The following CNTNAP4 variants were observed in gnomAD, a reference collection of about 807,000 sequenced individuals.
The protein encoded by CNTNAP4 is contactin-associated protein-like 4.
CNTNAP4 carries 98 observed loss-of-function variants against 148.4 expected under a neutral mutation model. The observed-to-expected ratio is 0.66, with a 90% CI of 0.56 to 0.78. CNTNAP4 has a LOEUF of 0.78. CNTNAP4 is among the 30% of genes least tolerant of loss of function. The probability of loss-of-function intolerance (pLI) is 0.00; values close to 1 mark genes in which losing one functional copy is unlikely to be tolerated. For missense variants in CNTNAP4, 1,935 were observed against 1,565.6 expected (o/e 1.24, Z -3.98); for synonymous variants, 730 against 565.1 (o/e 1.29, Z -4.14).
intron 1 of CNTNAP4, among the ~76,000 whole-genome samples, chr16:76,302,537 C>G (rs1027278420): frequency 6.6e-6 from 1 of 152,114 alleles, no homozygotes; most frequent in African/African-American, 2.4e-5. Context: ...CTTCTTATCT[C>G]TTTCACTTTT....
At chr16:76,543,814 TG>T (rs1338839983) in intron 21 of CNTNAP4, among the ~76,000 whole-genome samples, 1 of 152,188 alleles carries the variant, frequency 6.6e-6, no homozygotes, top group African/African-American at 2.4e-5. Flanking sequence ...AGCCCAGCAG[TG>T]GGGACCCTTG....
At chr16:76,348,831 T>C (rs1254965330) in intron 2 of CNTNAP4, among the ~76,000 whole-genome samples, 1 of 143,792 alleles carries the variant, frequency 7.0e-6, no homozygotes, top group Non-Finnish European at 1.5e-5. Context: ...CTATATTATT[T>C]GAAGACTGTT....
chr16:76,459,368 C>T (rs2080854874), intron 8 of CNTNAP4, among the ~76,000 whole-genome samples: 1 of 152,214 alleles, frequency 6.6e-6, no homozygotes, highest in African/African-American at 2.4e-5. Flanking sequence ...ATGTATCTAA[C>T]CTACATTCTT....
chr16:76,540,036 T>A (rs2084382642), intron 20 of CNTNAP4, among the ~76,000 whole-genome samples, 184 bp downstream of exon 20: 1 of 152,174 alleles, frequency 6.6e-6, no homozygotes, highest in Admixed American at 6.6e-5. Flanking sequence ...ATTATATTAT[T>A]AACATCGGAT....
At chr16:76,492,572 C>G (rs4888518) in intron 13 of CNTNAP4, among the ~76,000 whole-genome samples, 1 of 151,990 alleles carries the variant, frequency 6.6e-6, no homozygotes, top group African/African-American at 2.4e-5. Flanking sequence ...CCAAATCTCA[C>G]CTTGAATTGT....
intron 1 of CNTNAP4, among the ~76,000 whole-genome samples, chr16:76,311,381 A>G (rs980867411): frequency 2.6e-5 from 4 of 152,132 alleles, no homozygotes; most frequent in African/African-American, 4.8e-5. Context: ...TGTCATGTAA[A>G]GAGTAAATGG....
chr16:76,455,167 C>T (rs140857223), intron 8 of CNTNAP4, among the ~76,000 whole-genome samples: 4 of 152,228 alleles, frequency 2.6e-5, no homozygotes, highest in Admixed American at 1.3e-4. Context: ...TATTTTTAGT[C>T]GTTGCCACCT....
intron 13 of CNTNAP4, among the ~76,000 whole-genome samples, chr16:76,490,125 T>C (rs2082160458): frequency 6.6e-6 from 1 of 152,230 alleles, no homozygotes; most frequent in South Asian, 2.1e-4. Flanking sequence ...ACTCTCTTCC[T>C]GGCATTAATT....
At chr16:76,414,310 T>C (rs2078903974) in intron 3 of CNTNAP4, among the ~76,000 whole-genome samples, 1 of 151,454 alleles carries the variant, frequency 6.6e-6, no homozygotes, top group African/African-American at 2.4e-5. Flanking sequence ...TGTTACTTAA[T>C]GTGATAAATT....
intron 1 of CNTNAP4, among the ~76,000 whole-genome samples, chr16:76,313,980 G>A (rs1056699030): frequency 1.3e-5 from 2 of 152,096 alleles, no homozygotes; most frequent in African/African-American, 2.4e-5. Flanking sequence ...AGATGACATC[G>A]AATGAAGAAT....
In CNTNAP4 at chr16:76,365,146, G is replaced by T. The variant is rs574195622; in HGVS notation, c.390+9635G>T. On this transcript the variant is annotated intron_variant, in intron 3 of 23. Coordinates refer to ENST00000611870, the MANE Select transcript of CNTNAP4 (RefSeq NM_033401.5). ...TTAAATAGGGAATCCTTTCCCCATT[G>T]CTTGTTTTTGTCAGGTTTGTCAAAG... 1.8e-3 allele frequency among the ~76,000 whole-genome samples: 268 copies of T among 152,256 alleles called. 1 individual carries two copies. Among genetic ancestry groups the T allele is most frequent in the Non-Finnish European group, 2.7e-3 (184 of 68,012 alleles).
intron 13 of CNTNAP4, among the ~76,000 whole-genome samples, chr16:76,494,017 C>T (rs2143822775): frequency 6.6e-6 from 1 of 152,006 alleles, no homozygotes; most frequent in African/African-American, 2.4e-5. Flanking sequence ...GAGAAACTGA[C>T]TGATTCTATG....
intron 15 of CNTNAP4, among the ~76,000 whole-genome samples, chr16:76,515,136 G>A (rs938542204): frequency 2.0e-5 from 3 of 152,138 alleles, no homozygotes; most frequent in African/African-American, 7.2e-5. Flanking sequence ...CTTGCATGAA[G>A]AGGAAGAAAA....
At chr16:76,432,569 G>A (rs1828318523) in intron 4 of CNTNAP4, 1 of 152,102 alleles carries the variant, frequency 6.6e-6, no homozygotes, top group African/African-American at 2.4e-5. Context: ...AAAAGAAAAT[G>A]TTTGATGCTA....
intron 7 of CNTNAP4, among the ~76,000 whole-genome samples, chr16:76,452,077 AG>A (rs2080509921): frequency 6.7e-6 from 1 of 148,162 alleles, no homozygotes; most frequent in Non-Finnish European, 1.5e-5. Context: ...TTTTTTCCCT[AG>A]GTTTGATAGT....
At chr16:76,285,152 C>G (rs1210340628) in intron 1 of CNTNAP4, among the ~76,000 whole-genome samples, 1 of 151,770 alleles carries the variant, frequency 6.6e-6, no homozygotes, top group African/African-American at 2.4e-5. Context: ...AGTGGATATG[C>G]TTGGGTGTTT....
chr16:76,391,967 A>G (rs1005822466), intron 3 of CNTNAP4, among the ~76,000 whole-genome samples: 4 of 151,714 alleles, frequency 2.6e-5, no homozygotes, highest in Admixed American at 2.6e-4. Context: ...AAATTATTCA[A>G]TATAATTAGC....
chr16:76,346,207 C>T (rs1246457626), intron 2 of CNTNAP4, among the ~76,000 whole-genome samples: 1 of 152,008 alleles, frequency 6.6e-6, no homozygotes, highest in Non-Finnish European at 1.5e-5. Flanking sequence ...TAGCATTTTA[C>T]TAATTGGGGA....
Position 76,470,820 on chromosome 16 carries a change from A to G in CNTNAP4, c.1655+3297A>G, listed in dbSNP as rs985049533. On this transcript the variant is annotated intron_variant, in intron 10 of 23. Transcript: ENST00000611870. Reference sequence around the variant, plus strand: ...CAAATACACACACATGCTCACATTCATACCACATGGCTATTCACACACACT... The same window carrying G: ...CAAATACACACACATGCTCACATTCGTACCACATGGCTATTCACACACACT... Among the ~76,000 whole-genome samples the G allele has an allele frequency of 3.3e-5, 5 of 152,100 alleles. No homozygotes were observed. In the East Asian group the frequency reaches 7.7e-4, roughly 23 times the overall value.
Sources: gnomAD v4.1 joint callset for allele counts (sites outside exome capture counted in the v4.1 genomes callset) on GRCh38, gnomAD v4.1.1 for gene constraint, MANE v1.5 for transcripts, NCBI Gene and HGNC (gene_info 2026-07-23, HGNC 2026-07-21) for gene names.